The following ORAI2 variants were observed in gnomAD, a reference collection of about 807,000 sequenced individuals.
ORAI2 encodes ORAI calcium release-activated calcium modulator 2, also known as protein orai-2.
ORAI2 carries 10 observed loss-of-function variants against 16.2 expected under a neutral mutation model. The observed-to-expected ratio is 0.62, with a 90% CI of 0.38 to 1.04. The LOEUF (loss-of-function observed/expected upper bound fraction) is 1.04. Among genes scored for constraint, ORAI2 ranks in the 50% least tolerant of loss-of-function variants. The pLI is 0.01. For missense variants in ORAI2, 238 were observed against 355.5 expected (o/e 0.67, Z 2.66); for synonymous variants, 150 against 157.5 (o/e 0.95, Z 0.35).
At position 102,447,114 on chromosome 7, in the gene ORAI2, G is replaced by A; in HGVS notation, c.*62G>A. The A allele has an allele frequency of 6.9e-7, 1 of 1,443,508 alleles. No homozygotes were observed. The allele number at this position is 1,443,508 out of a possible 1,614,324, so 89.4% of individuals were successfully genotyped here. On this transcript the variant is annotated 3_prime_UTR_variant, in exon 4 of 4. Coordinates refer to ENST00000495936, the MANE Select transcript of ORAI2 (RefSeq NM_001126340.3). Reference sequence around the variant, plus strand: ...CGGGAGTCCGCAGAGGCGGGGATTTGTCAGATGCAGACATTTTGCAAGGCT... The same window carrying A: ...CGGGAGTCCGCAGAGGCGGGGATTTATCAGATGCAGACATTTTGCAAGGCT...
At chr7:102,441,200 T>C (rs2133226270) in intron 3 of ORAI2, among the ~76,000 whole-genome samples, 1 of 151,108 alleles carries the variant, frequency 6.6e-6, no homozygotes, top group African/African-American at 2.4e-5. Context: ...GCCTCTATTG[T>C]TTTTCTGTAG....
chr7:102,435,639 ATTT>A (rs752472061), intron 1 of ORAI2, among the ~76,000 whole-genome samples: 1 of 129,582 alleles, frequency 7.7e-6, no homozygotes, highest in Non-Finnish European at 1.6e-5. Flanking sequence ...ACACCCAGCT[ATTT>A]TTTTTTTTTT....
In ORAI2 at chr7:102,438,988, C is replaced by T; in HGVS notation, c.32C>T (p.Pro11Leu). 1 of 1,614,028 alleles carries T rather than the reference C, an allele frequency of 6.2e-7. No individual in the cohort carries two copies. The highest frequency in any genetic ancestry group is 8.5e-7 in the Non-Finnish European group (1 of 1,180,042). Residue 11 changes from proline (P) to leucine (L), a missense_variant, in exon 3 of 4, where the codon CCC (proline) becomes CTC (leucine). By Grantham distance (98) the Pro-to-Leu change is moderately conservative. Coordinates refer to ENST00000495936, the MANE Select transcript of ORAI2 (RefSeq NM_001126340.3). Reference protein sequence around the residue: MSAELNVPIDPSAPACPEPGH... With the variant: MSAELNVPIDLSAPACPEPGH... ...GCTGAGCTTAACGTGCCTATCGACC[C>T]CTCTGCTCCTGCCTGCCCTGAGCCC...
chr7:102,447,215 C>A lies in ORAI2; in HGVS notation c.*163C>A. ...CTGGATGACTTCTCCTGAGATAGAA[C>A]CGTTTGGTTCAATGAGGGACTGTGT... On this transcript the variant is annotated 3_prime_UTR_variant, in exon 4 of 4. Coordinates refer to ENST00000495936, the MANE Select transcript of ORAI2 (RefSeq NM_001126340.3). 1 of 817,886 alleles carries A rather than the reference C, an allele frequency of 1.2e-6. No individual in the cohort carries two copies. Among genetic ancestry groups the A allele is most frequent in the Non-Finnish European group, 1.9e-6 (1 of 538,186 alleles). The allele number at this position is 817,886 out of a possible 1,614,324, so 50.7% of individuals were successfully genotyped here.
At chr7:102,435,723 C>T (rs987084468) in intron 1 of ORAI2, among the ~76,000 whole-genome samples, 12 of 151,994 alleles carry the variant, frequency 7.9e-5, no homozygotes, top group Admixed American at 4.6e-4. Context: ...CAACCTCCGC[C>T]TCCTGGGATC....
rs1174372813 is a variant in ORAI2, at chr7:102,452,366, TG to T, written c.*5315del. On this transcript the variant is annotated 3_prime_UTR_variant, in exon 4 of 4. Coordinates refer to ENST00000495936, the MANE Select transcript of ORAI2 (RefSeq NM_001126340.3). ...GGCTGGTCTCCAACTCATGACCTCG[TG>T]ATCTGCCCACCTCGGCCTCCCAAAG... The T allele has an allele frequency of 6.6e-6, 1 of 152,212 alleles. No homozygotes were observed. The highest frequency in any genetic ancestry group is 2.4e-5 in the African/African-American group (1 of 41,406). The allele number at this position is 152,212 out of a possible 1,614,324, so 9.4% of individuals were successfully genotyped here.
chr7:102,454,760 TGA>T lies in ORAI2; in HGVS notation c.*7712_*7713del, dbSNP rs1797604457. 1 of 152,288 alleles carries T rather than the reference TGA, an allele frequency of 6.6e-6. No individual in the cohort carries two copies. Among genetic ancestry groups the T allele is most frequent in the Non-Finnish European group, 1.5e-5 (1 of 68,102 alleles). The allele number at this position is 152,288 out of a possible 1,614,324, so 9.4% of individuals were successfully genotyped here. A position where few individuals can be genotyped will look rare whatever the true frequency, so the allele number is the denominator to read the frequency against. On this transcript the variant is annotated 3_prime_UTR_variant, in exon 4 of 4. Coordinates refer to ENST00000495936, the MANE Select transcript of ORAI2 (RefSeq NM_001126340.3). The stretch of plus-strand genomic sequence containing the variant: ...CCCCTTGCTTGAAGCTCCAAGAGCA[TGA>T]GAGTGGGCAGCCTGGTCTGCTGAGG...
chr7:102,446,125 T>A lies in ORAI2; in HGVS notation c.226-388T>A, dbSNP rs540600903. ...CACCACGCCCGGCTGCTTTTTGTAT[T>A]TTTAGTAGAGACAGGGTTTCACCAT... On this transcript the variant is annotated intron_variant, in intron 3 of 3. Coordinates refer to ENST00000495936, the MANE Select transcript of ORAI2 (RefSeq NM_001126340.3). Among the ~76,000 whole-genome samples the A allele has an allele frequency of 2.0e-5, 3 of 152,102 alleles. No individual in the cohort carries two copies. In the East Asian group the frequency reaches 5.8e-4, roughly 30 times the overall value.
rs1288577408 is a variant in ORAI2 at position 102,452,838 on chromosome 7, C to G, written c.*5786C>G. ...TTTTGTTTTGTTTTTTTGAAACAGTCTCTCTCTGTCTCCCAGGCTGGAGTG... is the reference window on the plus strand; with the variant it reads ...TTTTGTTTTGTTTTTTTGAAACAGTGTCTCTCTGTCTCCCAGGCTGGAGTG... On this transcript the variant is annotated 3_prime_UTR_variant, in exon 4 of 4. Coordinates refer to ENST00000495936, the MANE Select transcript of ORAI2 (RefSeq NM_001126340.3). 3 of 152,140 alleles carry G rather than the reference C, an allele frequency of 2.0e-5. No homozygotes were observed. Among genetic ancestry groups the G allele is most frequent in the African/African-American group, 7.2e-5 (3 of 41,396 alleles). 9.4% of individuals were successfully genotyped at this position (152,140 alleles called of 1,614,324 possible).
intron 3 of ORAI2, among the ~76,000 whole-genome samples, chr7:102,440,225 C>T (rs1386361900): frequency 6.6e-6 from 1 of 152,178 alleles, no homozygotes; most frequent in Admixed American, 6.5e-5. Flanking sequence ...TGAGCAGGGC[C>T]TCAGAGATTG....
chr7:102,441,080 A>G (rs749761729), intron 3 of ORAI2, among the ~76,000 whole-genome samples: 36 of 150,716 alleles, frequency 2.4e-4, no homozygotes, highest in Non-Finnish European at 4.3e-4. Flanking sequence ...CTTAGTAGAG[A>G]TGGGGTTTCA....
At position 102,450,210 on chromosome 7, in the gene ORAI2, A is replaced by AT. The variant is rs1194216294; in HGVS notation, c.*3158_*3159insT. 6 of 152,106 alleles carry AT rather than the reference A, an allele frequency of 3.9e-5. No individual in the cohort carries two copies. The highest frequency in any genetic ancestry group is 1.4e-4 in the African/African-American group (6 of 41,422). The allele number at this position is 152,106 out of a possible 1,614,324, so 9.4% of individuals were successfully genotyped here. On this transcript the variant is annotated 3_prime_UTR_variant, in exon 4 of 4. Coordinates refer to ENST00000495936, the MANE Select transcript of ORAI2 (RefSeq NM_001126340.3). ...AGACCCTGTCTCTAAAAAAAAAAAA[A>AT]AGAAAATAAAGAAAAAAGAATGTCA...
intron 3 of ORAI2, among the ~76,000 whole-genome samples, chr7:102,440,798 A>AG (rs1797177059): frequency 6.6e-6 from 1 of 152,034 alleles, no homozygotes; most frequent in African/African-American, 2.4e-5. Context: ...TGAACTCTCA[A>AG]GTGATTTTCC....
chr7:102,454,638 C>G lies in ORAI2; in HGVS notation c.*7586C>G, dbSNP rs1268046922. The G allele has an allele frequency of 6.6e-6, 1 of 152,436 alleles. No homozygotes were observed. The highest frequency in any genetic ancestry group is 1.5e-5 in the Non-Finnish European group (1 of 68,074). The allele number at this position is 152,436 out of a possible 1,614,324, so 9.4% of individuals were successfully genotyped here. ...AGCGGCTGAGGGATGTCAGCTGAGC[C>G]CCCGCTGGGCCTGCTCTGGAGCGGG... On this transcript the variant is annotated 3_prime_UTR_variant, in exon 4 of 4. Coordinates refer to ENST00000495936, the MANE Select transcript of ORAI2 (RefSeq NM_001126340.3).
rs113636069 is a variant in ORAI2 at position 102,447,381 on chromosome 7, G to A, written c.*329G>A. 3,569 of 306,076 alleles carry A rather than the reference G, an allele frequency of 0.012. 123 individuals are homozygous for A. Among genetic ancestry groups the A allele is most frequent in the African/African-American group, 0.07 (3,233 of 46,212 alleles). 19.0% of individuals were successfully genotyped at this position (306,076 alleles called of 1,614,324 possible). A position where few individuals can be genotyped will look rare whatever the true frequency, so the allele number is the denominator to read the frequency against. On this transcript the variant is annotated 3_prime_UTR_variant, in exon 4 of 4. Transcript: ENST00000495936. ...GGCTCCAAGCAGCACCCAGCGGTCC[G>A]GGGGAGTCTCAGACCCGGCATGCGT...
At chr7:102,434,858 A>C (rs1797020860) in intron 1 of ORAI2, 1 of 152,142 alleles carries the variant, frequency 6.6e-6, no homozygotes, top group African/African-American at 2.4e-5. Flanking sequence ...TCTTCCCTCC[A>C]TATCTCCTGG....
At chr7:102,434,526 T>A (rs553655418) in intron 1 of ORAI2, among the ~76,000 whole-genome samples, 1 of 152,208 alleles carries the variant, frequency 6.6e-6, no homozygotes, top group South Asian at 2.1e-4. Flanking sequence ...GCTCTTCACC[T>A]CCACTCTCAG....
At chr7:102,444,505 C>T (rs1436009693) in intron 3 of ORAI2, among the ~76,000 whole-genome samples, 4 of 132,370 alleles carry the variant, frequency 3.0e-5, no homozygotes, top group African/African-American at 9.0e-5. Flanking sequence ...CGCCCCCCCC[C>T]GCCCCCCACC....
chr7:102,438,773 A>C (rs1443623114), intron 2 of ORAI2, among the ~76,000 whole-genome samples, 171 bp from the exon 3 acceptor site: 2 of 152,160 alleles, frequency 1.3e-5, no homozygotes, highest in African/African-American at 2.4e-5. Context: ...ACACTGTCTC[A>C]AAAACAAACA....
Sources: allele counts gnomAD v4.1 joint callset (sites outside exome capture counted in the v4.1 genomes callset), GRCh38; gene constraint gnomAD v4.1.1; transcripts MANE v1.5; gene names NCBI Gene and HGNC (gene_info 2026-07-23, HGNC 2026-07-21).